HAPLN3: variants seen among roughly 807,000 people sequenced by gnomAD.
HAPLN3 encodes extracellular link domain containing, 1.
HAPLN3 carries 28 observed loss-of-function variants against 28.1 expected under a neutral mutation model. The observed-to-expected ratio is 1.00, with a 90% CI of 0.74 to 1.37. HAPLN3 has a LOEUF of 1.37. Among genes scored for constraint, HAPLN3 ranks in the 40% most tolerant of loss-of-function variants. The pLI, the probability that HAPLN3 is intolerant of heterozygous loss-of-function variation, is 0.00. For synonymous variants in HAPLN3, 211 were observed against 213.1 expected, an observed-to-expected ratio of 0.99 and a Z score of 0.09; for missense variants, 513 against 504.6, an observed-to-expected ratio of 1.02 and a Z score of -0.16.
Position 88,879,286 on chromosome 15 carries a change from G to C in HAPLN3, c.494-17C>G. On this transcript the variant is annotated splice_polypyrimidine_tract_variant and intron_variant, in intron 3 of 4. Coordinates refer to ENST00000359595, the MANE Select transcript of HAPLN3 (RefSeq NM_178232.4). This position sits in a 1 kb window ranked among gnomAD's most constrained non-coding sequence, Gnocchi z 5.0. ...AGACCACACCTGCAGGGGAAGGAAAGAGGAGCTTAGGGGGTGGCCAGGGGC... is the reference window on the plus strand; with the variant it reads ...AGACCACACCTGCAGGGGAAGGAAACAGGAGCTTAGGGGGTGGCCAGGGGC... 1 of 1,604,760 alleles carries C rather than the reference G, an allele frequency of 6.2e-7. No individual in the cohort carries two copies. The highest frequency in any genetic ancestry group is 8.5e-7 in the Non-Finnish European group (1 of 1,176,686).
intron 4 of HAPLN3, 119 bp from the exon 5 acceptor site, chr15:88,878,375 G>A (rs1897595423): frequency 1.1e-6 from 1 of 892,360 alleles, no homozygotes; most frequent in East Asian, 2.5e-5. Flanking sequence ...CCATACTGCA[G>A]GCATCTGCAG....
rs115648845 is a variant in HAPLN3 at position 88,880,103 on chromosome 15, G to A, written c.494-834C>T. 2.1e-3 allele frequency: 2,089 copies of A among 991,940 alleles called. 39 individuals carry two copies. In the African/African-American group the frequency reaches 0.033, roughly 16 times the overall value. The allele number at this position is 991,940 out of a possible 1,614,324, so 61.4% of individuals were successfully genotyped here. ...GCACCTGGGCAAAGCCAGGTTGGGC[G>A]GCAGAGAAGCCCATGGGCCCTGACA... On this transcript the variant is annotated intron_variant, in intron 3 of 4. Coordinates refer to ENST00000359595, the MANE Select transcript of HAPLN3 (RefSeq NM_178232.4). The surrounding 1 kb of genome is among the most constrained non-coding windows in gnomAD (Gnocchi z 6.0).
chr15:88,888,895 G>T lies in HAPLN3; in HGVS notation c.-47-1550C>A, dbSNP rs376029853. ...GAGTCCCAAGCCTGGGGGTGCTGGG[G>T]GTATACAGGAGGTCCTCCATTTGCC... On this transcript the variant is annotated intron_variant, in intron 1 of 4. Transcript: ENST00000359595. This position sits in a 1 kb window ranked among gnomAD's most constrained non-coding sequence, Gnocchi z 4.1. Among the ~76,000 whole-genome samples, 54 of 152,310 alleles carry T rather than the reference G, an allele frequency of 3.5e-4. No homozygotes were observed. In the East Asian group the frequency reaches 7.9e-3, roughly 22 times the overall value.
intron 1 of HAPLN3, among the ~76,000 whole-genome samples, chr15:88,892,392 G>C (rs1291629481): frequency 2.0e-5 from 3 of 151,648 alleles, no homozygotes; most frequent in Non-Finnish European, 4.4e-5. Context: ...GGGAGGCAGA[G>C]GTTGCAGTGA....
At chr15:88,884,955 G>T (rs764395276) in intron 2 of HAPLN3, among the ~76,000 whole-genome samples, 1 of 152,218 alleles carries the variant, frequency 6.6e-6, no homozygotes, top group South Asian at 2.1e-4. Flanking sequence ...AGTCCTATCC[G>T]CACCTCGATT....
At chr15:88,884,306 T>C (rs1462421479) in intron 2 of HAPLN3, among the ~76,000 whole-genome samples, 1 of 152,174 alleles carries the variant, frequency 6.6e-6, no homozygotes, top group East Asian at 1.9e-4. Flanking sequence ...GGCTCACGCC[T>C]GTAATCCCAG....
chr15:88,881,829 CAAA>C lies in HAPLN3; in HGVS notation c.125-107_125-105del. 1 of 1,255,890 alleles carries C rather than the reference CAAA, an allele frequency of 8.0e-7. No homozygotes were observed. 77.8% of individuals were successfully genotyped at this position (1,255,890 alleles called of 1,614,324 possible). On this transcript the variant is annotated intron_variant, in intron 2 of 4. Coordinates refer to ENST00000359595, the MANE Select transcript of HAPLN3 (RefSeq NM_178232.4). This position sits in a 1 kb window ranked among gnomAD's most constrained non-coding sequence, Gnocchi z 6.0. The stretch of plus-strand genomic sequence containing the variant: ...CCACGGCTCCTACAGGCTCAGATTG[CAAA>C]AATGGCCACCATGCTCCACCCCTCC...
chr15:88,881,190 A>C lies in HAPLN3; in HGVS notation c.493+167T>G. 2 of 858,700 alleles carry C rather than the reference A, an allele frequency of 2.3e-6. No homozygotes were observed. The highest frequency in any genetic ancestry group is 3.5e-6 in the Non-Finnish European group (2 of 571,814). The allele number at this position is 858,700 out of a possible 1,614,324, so 53.2% of individuals were successfully genotyped here. On this transcript the variant is annotated intron_variant, in intron 3 of 4. Coordinates refer to ENST00000359595, the MANE Select transcript of HAPLN3 (RefSeq NM_178232.4). This position sits in a 1 kb window ranked among gnomAD's most constrained non-coding sequence, Gnocchi z 6.0. ...AAGTTACTTGACCTCTCTGTGCCTC[A>C]GTTTTCTCACCTGTAAAATGGGGGT...
intron 2 of HAPLN3, among the ~76,000 whole-genome samples, chr15:88,883,465 G>C (rs184549064): frequency 5.9e-5 from 9 of 152,364 alleles, no homozygotes; most frequent in African/African-American, 2.2e-4. Flanking sequence ...CTGTGGTAAG[G>C]TTCAAATCAG....
Position 88,879,378 on chromosome 15 carries a change from A to G in HAPLN3, c.494-109T>C, listed in dbSNP as rs1287747089. ...GACATGTGCTGCCTGCAACACACAC[A>G]CATACACCATCCCTCAGAAAAACTC... On this transcript the variant is annotated intron_variant, in intron 3 of 4. Transcript: ENST00000359595. This position sits in a 1 kb window ranked among gnomAD's most constrained non-coding sequence, Gnocchi z 5.0. The G allele has an allele frequency of 6.4e-7, 1 of 1,562,532 alleles. No individual in the cohort carries two copies. The highest frequency in any genetic ancestry group is 2.4e-5 in the East Asian group (1 of 42,282).
intron 2 of HAPLN3, among the ~76,000 whole-genome samples, chr15:88,885,458 GTTTTT>G (rs761060139): frequency 1.7e-5 from 2 of 114,926 alleles, no homozygotes; most frequent in Non-Finnish European, 3.5e-5. Context: ...TGTTTTTTGT[GTTTTT>G]TTTTTTTTTT....
At chr15:88,889,990 A>G (rs535884944) in intron 1 of HAPLN3, among the ~76,000 whole-genome samples, 2 of 126,170 alleles carry the variant, frequency 1.6e-5, no homozygotes, top group Non-Finnish European at 3.3e-5. Context: ...GGAAAGAAGG[A>G]AGGGAGGGAG....
At chr15:88,884,748 G>C (rs774136593) in intron 2 of HAPLN3, among the ~76,000 whole-genome samples, 1 of 152,036 alleles carries the variant, frequency 6.6e-6, no homozygotes, top group African/African-American at 2.4e-5. Context: ...AATTTCCCAG[G>C]TGGGCCCTAA....
Position 88,879,561 on chromosome 15 carries a change from C to G in HAPLN3, c.494-292G>C. 1 of 1,405,934 alleles carries G rather than the reference C, an allele frequency of 7.1e-7. No homozygotes were observed. Among genetic ancestry groups the G allele is most frequent in the Middle Eastern group, 1.9e-4 (1 of 5,378 alleles). The allele number at this position is 1,405,934 out of a possible 1,614,324, so 87.1% of individuals were successfully genotyped here. ...TAATCCGCAAGGCTGTCGCCAGACC[C>G]CCAGTGAGGCTGTGCCATCTTCTCC... On this transcript the variant is annotated intron_variant, in intron 3 of 4. Coordinates refer to ENST00000359595, the MANE Select transcript of HAPLN3 (RefSeq NM_178232.4). The surrounding 1 kb of genome is among the most constrained non-coding windows in gnomAD (Gnocchi z 5.0).
intron 2 of HAPLN3, among the ~76,000 whole-genome samples, chr15:88,886,682 A>G (rs1897864682): frequency 6.6e-6 from 1 of 152,058 alleles, no homozygotes; most frequent in Non-Finnish European, 1.5e-5. Context: ...AAAAGTAGCC[A>G]GGCATGGTGG....
intron 1 of HAPLN3, among the ~76,000 whole-genome samples, chr15:88,894,519 T>C (rs1385277976): frequency 6.6e-6 from 1 of 152,318 alleles, no homozygotes; most frequent in Non-Finnish European, 1.5e-5. Context: ...TGTCCCTGTT[T>C]GCACAAGGCT....
chr15:88,885,180 C>T (rs1596170513), intron 2 of HAPLN3, among the ~76,000 whole-genome samples: 1 of 152,234 alleles, frequency 6.6e-6, no homozygotes, highest in Non-Finnish European at 1.5e-5. Flanking sequence ...GCTCATGTGT[C>T]GTCTCTGAAC....
intron 4 of HAPLN3, 139 bp downstream of exon 4, chr15:88,878,828 G>C: frequency 1.2e-6 from 1 of 817,804 alleles, no homozygotes; most frequent in Non-Finnish European, 1.9e-6. Context: ...GCTGCTTCTA[G>C]GGTGGCTGGT....
At chr15:88,886,487 TTC>T (rs1897859023) in intron 2 of HAPLN3, among the ~76,000 whole-genome samples, 2 of 151,950 alleles carry the variant, frequency 1.3e-5, no homozygotes, top group Admixed American at 1.3e-4. Flanking sequence ...CTTTAAAACG[TTC>T]CCTGCCCAAG....
Sources: gnomAD v4.1 joint callset for allele counts (sites outside exome capture counted in the v4.1 genomes callset) on GRCh38, gnomAD v4.1.1 for gene constraint, Gnocchi (gnomAD v3.1) non-coding constraint, MANE v1.5 for transcripts, NCBI Gene and HGNC (gene_info 2026-07-23, HGNC 2026-07-21) for gene names.